The following RUBCNL variants were observed in gnomAD, a reference collection of about 807,000 sequenced individuals.
RUBCNL encodes rubicon like autophagy enhancer.
In RUBCNL, 62 loss-of-function variants were observed where a neutral mutation model predicts 69.5. That is an observed-to-expected ratio of 0.89 (90% confidence interval 0.73 to 1.10). The LOEUF is 1.10. RUBCNL is among the 50% of genes least tolerant of loss of function. The pLI, the probability that RUBCNL is intolerant of heterozygous loss-of-function variation, is 0.00. For synonymous variants in RUBCNL, 291 were observed against 303.6 expected (o/e 0.96, Z 0.43); for missense variants, 768 against 798.1 (o/e 0.96, Z 0.45).
chr13:46,382,927 G>T (rs2049152521), intron 1 of RUBCNL, among the ~76,000 whole-genome samples: 1 of 152,190 alleles, frequency 6.6e-6, no homozygotes, highest in Non-Finnish European at 1.5e-5. Flanking sequence ...AAGTATTGTG[G>T]TTATGTTTTA....
intron 1 of RUBCNL, among the ~76,000 whole-genome samples, chr13:46,381,801 C>T (rs1051354641): frequency 2.6e-5 from 4 of 152,104 alleles, no homozygotes; most frequent in South Asian, 4.1e-4. Flanking sequence ...AGGCTGGTCT[C>T]GAACTCCTGA....
rs181512520 is a variant in RUBCNL at position 46,357,016 on chromosome 13, G to A, written c.1266-520C>T. Among the ~76,000 whole-genome samples the A allele has an allele frequency of 6.4e-3, 956 of 148,672 alleles. 39 individuals carry two copies. The highest frequency in any genetic ancestry group is 0.06 in the Admixed American group (894 of 14,988). ...AGTGCTGGAATTACAGGCATGAGCC[G>A]CCGTGCCCAGCCTTAAAGCTACATC... On this transcript the variant is annotated intron_variant, in intron 9 of 14. Transcript: ENST00000429979.
At chr13:46,369,151 A>C (rs570937200) in intron 3 of RUBCNL, among the ~76,000 whole-genome samples, 56 of 152,318 alleles carry the variant, frequency 3.7e-4, no homozygotes, top group African/African-American at 1.3e-3. Context: ...GCCACAGTCC[A>C]AAAGCAGGGT....
At chr13:46,352,297 C>G (rs1470701937) in intron 10 of RUBCNL, among the ~76,000 whole-genome samples, 1 of 152,182 alleles carries the variant, frequency 6.6e-6, no homozygotes, top group Non-Finnish European at 1.5e-5. Flanking sequence ...GTGCCCCTCC[C>G]TCAACACTAG....
chr13:46,355,121 T>G (rs1487998662), intron 10 of RUBCNL, among the ~76,000 whole-genome samples: 3 of 152,152 alleles, frequency 2.0e-5, no homozygotes, highest in African/African-American at 2.4e-5. Context: ...AAGTAGGAGC[T>G]CCTCATAGTC....
chr13:46,359,773 C>A, intron 8 of RUBCNL, 142 bp from the exon 9 acceptor site: 1 of 751,976 alleles, frequency 1.3e-6, no homozygotes, highest in Non-Finnish European at 2.0e-6. Context: ...AAGGGCATAC[C>A]AAGAGCCCTC....
At chr13:46,363,463 A>G (rs1477142596) in intron 5 of RUBCNL, among the ~76,000 whole-genome samples, 1 of 152,180 alleles carries the variant, frequency 6.6e-6, no homozygotes, top group African/African-American at 2.4e-5. Flanking sequence ...TCTGCAGTCC[A>G]TCCAATGTTT....
chr13:46,365,573 G>GTCA (rs2048735762), intron 5 of RUBCNL, among the ~76,000 whole-genome samples: 1 of 152,180 alleles, frequency 6.6e-6, no homozygotes, highest in East Asian at 1.9e-4. Context: ...GCAGGACATT[G>GTCA]CTTCTGAAGG....
intron 8 of RUBCNL, among the ~76,000 whole-genome samples, chr13:46,360,411 C>T (rs1043416030): frequency 3.9e-5 from 6 of 152,156 alleles, no homozygotes; most frequent in Admixed American, 3.9e-4. Flanking sequence ...CACAATTTGG[C>T]TACTATCATT....
At chr13:46,374,095 A>G (rs1043597937) in intron 2 of RUBCNL, among the ~76,000 whole-genome samples, 4 of 152,132 alleles carry the variant, frequency 2.6e-5, no homozygotes, top group Non-Finnish European at 4.4e-5. Flanking sequence ...TAGCTTCCCA[A>G]TAGATTTCTC....
intron 2 of RUBCNL, among the ~76,000 whole-genome samples, chr13:46,375,918 C>A (rs949170978): frequency 6.6e-6 from 1 of 152,182 alleles, no homozygotes; most frequent in Non-Finnish European, 1.5e-5. Context: ...GCAAGACTAA[C>A]GCCTCTTTTT....
Position 46,387,249 on chromosome 13 carries a change from G to A in RUBCNL, c.-354C>T, listed in dbSNP as rs2049271350. ...ACCGCGCTCCCGGTAACAGCAGAAA[G>A]GGGAGGGAGGAGAGCTACCGAGGAG... is the stretch of plus-strand genomic sequence containing the variant. On this transcript the variant is annotated 5_prime_UTR_variant, in exon 1 of 15. Transcript: ENST00000429979. The A allele has an allele frequency of 2.0e-6, 2 of 985,428 alleles. No homozygotes were observed. Among genetic ancestry groups the A allele is most frequent in the African/African-American group, 1.7e-5 (1 of 57,348 alleles). 61.0% of individuals were successfully genotyped at this position (985,428 alleles called of 1,614,324 possible).
rs1003971151 is a variant in RUBCNL at position 46,357,897 on chromosome 13, C to T, written c.1266-1401G>A. On this transcript the variant is annotated intron_variant, in intron 9 of 14. Transcript: ENST00000429979. ...CCGCCCACCTCGGCCTCCCAAAGTG[C>T]TGAGATTACAGGCATTGGCCACTGT... Among the ~76,000 whole-genome samples the T allele has an allele frequency of 2.0e-5, 3 of 152,172 alleles. No individual in the cohort carries two copies. The South Asian group carries it at 6.2e-4, about 31-fold the overall frequency.
chr13:46,349,321 G>A lies in RUBCNL; in HGVS notation c.1596C>T (p.Ile532=). 1 of 1,613,774 alleles carries A rather than the reference G, an allele frequency of 6.2e-7. No homozygotes were observed. Among genetic ancestry groups the A allele is most frequent in the Non-Finnish European group, 8.5e-7 (1 of 1,179,736 alleles). The stretch of plus-strand genomic sequence containing the variant: ...ACCTACAGGTCTTCAACAGCTTCTT[G>A]ATATGGAAGAGCTGCTCCTGAATTT... ...VKEIQEQLFH[I]KKLLKTCRFA... is the part of the protein sequence containing the mutation. Residue 532 remains isoleucine, a synonymous_variant, in exon 12 of 15, where the codon ATC becomes ATT. Transcript: ENST00000429979.
At chr13:46,382,792 C>T (rs145667392) in intron 1 of RUBCNL, among the ~76,000 whole-genome samples, 2,690 of 152,310 alleles carry the variant, frequency 0.018, 44 homozygotes, top group Non-Finnish European at 0.024. Context: ...GCCTCAGCCT[C>T]CCAAAGTGCT....
chr13:46,345,848 G>T (rs777012451), intron 12 of RUBCNL, among the ~76,000 whole-genome samples: 1 of 152,186 alleles, frequency 6.6e-6, no homozygotes, highest in African/African-American at 2.4e-5. Context: ...GCAGAGACCT[G>T]TATCTCTTAC....
At chr13:46,352,519 G>T (rs987208051) in intron 10 of RUBCNL, among the ~76,000 whole-genome samples, 3 of 152,110 alleles carry the variant, frequency 2.0e-5, no homozygotes, top group African/African-American at 7.2e-5. Flanking sequence ...AATAAACAAG[G>T]CCTGGCCGGG....
intron 2 of RUBCNL, among the ~76,000 whole-genome samples, chr13:46,373,929 G>A (rs947606178): frequency 6.6e-6 from 1 of 152,340 alleles, no homozygotes; most frequent in Non-Finnish European, 1.5e-5. Flanking sequence ...CTCCTTCCCT[G>A]CTTTTCCCTC....
rs951708715 is a variant in RUBCNL at position 46,336,176 on chromosome 13, G to C, written c.*7209C>G. ...TCTGGTCTATCTGACAGCCGGCCCT[G>C]TTCTTTTTGGTTCACGTGGTCTTTA... is the stretch of plus-strand genomic sequence containing the variant. On this transcript the variant is annotated 3_prime_UTR_variant, in exon 15 of 15. Coordinates refer to ENST00000429979, the MANE Select transcript of RUBCNL (RefSeq NM_025113.5). Among the ~76,000 whole-genome samples the C allele has an allele frequency of 1.3e-5, 2 of 152,162 alleles. No individual in the cohort carries two copies. Among genetic ancestry groups the C allele is most frequent in the Non-Finnish European group, 2.9e-5 (2 of 68,020 alleles).
Sources: gnomAD v4.1 joint callset for allele counts (sites outside exome capture counted in the v4.1 genomes callset) on GRCh38, gnomAD v4.1.1 for gene constraint, MANE v1.5 for transcripts, NCBI Gene and HGNC (gene_info 2026-07-23, HGNC 2026-07-21) for gene names.